RBFOX2: variants seen among roughly 807,000 people sequenced by gnomAD.
RBFOX2 encodes RNA binding fox-1 homolog 2.
A neutral mutation model predicts 49.1 loss-of-function variants in RBFOX2; 10 were observed. That is an observed-to-expected ratio of 0.20 (90% CI 0.13 to 0.35). The LOEUF is 0.35. Ranked by LOEUF, RBFOX2 falls within the 10% of genes least tolerant of loss-of-function variation. The pLI is 1.00. For synonymous variants in RBFOX2, 183 were observed against 187.4 expected (o/e 0.98, Z 0.19); for missense variants, 323 against 486.9 (o/e 0.66, Z 3.17).
chr22:35,888,096 CT>C (rs1018389775), intron 1 of RBFOX2, among the ~76,000 whole-genome samples: 11 of 152,172 alleles, frequency 7.2e-5, no homozygotes, highest in African/African-American at 2.7e-4. Context: ...CTTAGTCTAA[CT>C]CATTTGGCAG....
intron 1 of RBFOX2, among the ~76,000 whole-genome samples, chr22:35,931,539 T>C (rs1196190248): frequency 1.3e-5 from 2 of 151,338 alleles, no homozygotes; most frequent in East Asian, 1.9e-4. Flanking sequence ...CTTTGGGAGG[T>C]TGAGGCGGGT....
At chr22:35,744,067 CTTTT>C (rs1259119632) in exon 12 of RBFOX2, 9 of 722,038 alleles carry the variant, frequency 1.2e-5, no homozygotes, top group Non-Finnish European at 1.8e-5. Flanking sequence ...AGTATTCTTT[CTTTT>C]TTTGTGTTTT....
At chr22:36,021,606 T>C (rs558252102) in intron 1 of RBFOX2, among the ~76,000 whole-genome samples, 2 of 152,028 alleles carry the variant, frequency 1.3e-5, no homozygotes, top group Non-Finnish European at 1.5e-5. Context: ...CAGAGAAATA[T>C]CTCAAATCCT....
At chr22:35,922,889 T>A (rs2051183093) in intron 1 of RBFOX2, among the ~76,000 whole-genome samples, 1 of 152,194 alleles carries the variant, frequency 6.6e-6, no homozygotes, top group Admixed American at 6.5e-5. Context: ...TGCTCTCAGA[T>A]GCTTTACAGA....
At chr22:35,746,432 C>T (rs567977911) in intron 10 of RBFOX2, 41 bp downstream of exon 12, 1 of 1,458,078 alleles carries the variant, frequency 6.9e-7, no homozygotes, top group Non-Finnish European at 9.4e-7. Context: ...GATGGAACAG[C>T]TCTCATGCAT....
chr22:35,886,710 A>C (rs2046625745), intron 1 of RBFOX2, among the ~76,000 whole-genome samples: 1 of 152,212 alleles, frequency 6.6e-6, no homozygotes, highest in East Asian at 1.9e-4. Flanking sequence ...ATACACTCTT[A>C]TGAAACCACC....
In RBFOX2 at chr22:35,858,368, C is replaced by G. The variant is rs182225052; in HGVS notation, c.-33-48364G>C. Among the ~76,000 whole-genome samples, 54 of 152,336 alleles carry G rather than the reference C, an allele frequency of 3.5e-4. No homozygotes were observed. In the South Asian group the frequency reaches 0.01, roughly 29 times the overall value. ...TTAAAAATGCTACCTTAAATGCCAT[C>G]TGCTCCACAAAGCTCTTCCTGATTA... On this transcript the variant is annotated intron_variant, in intron 1 of 13. Transcript: ENST00000359369.
chr22:35,740,534 C>T (rs769595531), exon 12 of RBFOX2: 7 of 152,628 alleles, frequency 4.6e-5, no homozygotes, highest in African/African-American at 1.4e-4. Flanking sequence ...TCCCCACCCC[C>T]CAAAGTCCCT....
chr22:35,759,813 G>T lies in RBFOX2; in HGVS notation c.887+75C>A. ...GACACGGCAACATCCCAGAAGTTAT[G>T]AAAGGGCCATGGTATTCTTTTTTGG... On this transcript the variant is annotated intron_variant, in intron 9 of 11. Transcript: ENST00000405409. The surrounding 1 kb of genome is among the most constrained non-coding windows in gnomAD (Gnocchi z 4.6). 6.4e-7 allele frequency: 1 copy of T among 1,571,904 alleles called. No individual in the cohort carries two copies. The highest frequency in any genetic ancestry group is 1.1e-5 in the South Asian group (1 of 88,676).
At chr22:35,947,939 AG>A (rs2054498664) in intron 1 of RBFOX2, among the ~76,000 whole-genome samples, 1 of 152,216 alleles carries the variant, frequency 6.6e-6, no homozygotes, top group Admixed American at 6.5e-5. Context: ...TAAAGTCAAC[AG>A]TAGTGTACAG....
intron 1 of RBFOX2, among the ~76,000 whole-genome samples, chr22:35,825,229 C>G (rs184506253): frequency 7.2e-5 from 11 of 152,112 alleles, no homozygotes; most frequent in African/African-American, 2.7e-4. Context: ...TTTTGGGAAG[C>G]CAAAATGCAT....
chr22:35,809,879 G>A (rs764643832), exon 2 of RBFOX2: 36 of 1,613,884 alleles, frequency 2.2e-5, no homozygotes, highest in Admixed American at 1.5e-4. Flanking sequence ...CGGTCTGGCC[G>A]GCATAGTCTT....
intron 1 of RBFOX2, among the ~76,000 whole-genome samples, chr22:35,950,044 G>C (rs1442768604): frequency 6.6e-6 from 1 of 150,530 alleles, no homozygotes; most frequent in African/African-American, 2.4e-5. Flanking sequence ...TATAGTTTTA[G>C]CTCTTATGTT....
At chr22:35,816,934 A>G (rs1953216034) in intron 1 of RBFOX2, among the ~76,000 whole-genome samples, 1 of 152,192 alleles carries the variant, frequency 6.6e-6, no homozygotes, top group Non-Finnish European at 1.5e-5. Flanking sequence ...TTTATTGCGT[A>G]TAACACCCAT....
At chr22:35,948,256 G>C (rs1207397920) in intron 1 of RBFOX2, among the ~76,000 whole-genome samples, 1 of 152,130 alleles carries the variant, frequency 6.6e-6, no homozygotes, top group Middle Eastern at 3.2e-3. Context: ...CATACAGCCA[G>C]ATAGTCCACT....
intron 1 of RBFOX2, among the ~76,000 whole-genome samples, chr22:35,815,798 C>T (rs1197828092): frequency 1.3e-5 from 2 of 152,134 alleles, no homozygotes; most frequent in Non-Finnish European, 2.9e-5. Flanking sequence ...GATTATAATA[C>T]AAATAAAATG....
intron 1 of RBFOX2, among the ~76,000 whole-genome samples, chr22:36,010,882 C>G (rs900264664): frequency 6.6e-6 from 1 of 152,138 alleles, no homozygotes. Context: ...TCACTCAATC[C>G]TGGGGCTTTC....
chr22:35,898,390 T>C, intron 1 of RBFOX2: 1 of 530,456 alleles, frequency 1.9e-6, no homozygotes, highest in Non-Finnish European at 3.5e-6. Context: ...CCCGGGATTG[T>C]GCAGCGGCCG....
At chr22:35,880,744 A>G (rs1168020063) in intron 1 of RBFOX2, among the ~76,000 whole-genome samples, 1 of 151,040 alleles carries the variant, frequency 6.6e-6, no homozygotes, top group Non-Finnish European at 1.5e-5. Context: ...GTGAAATTTT[A>G]GAAGATCTTT....
Sources: gnomAD v4.1 joint callset for allele counts (sites outside exome capture counted in the v4.1 genomes callset) on GRCh38, gnomAD v4.1.1 for gene constraint, Gnocchi (gnomAD v3.1) non-coding constraint, MANE v1.5 for transcripts, NCBI Gene and HGNC (gene_info 2026-07-23, HGNC 2026-07-21) for gene names.